ZNF487: variants seen among roughly 807,000 people sequenced by gnomAD.
The protein encoded by ZNF487 is KRAB domain only 1.
A neutral mutation model predicts 3.0 loss-of-function variants in ZNF487; 4 were observed. That is an observed-to-expected ratio of 1.35 (90% CI 0.66 to 3.08). The LOEUF (loss-of-function observed/expected upper bound fraction) is 3.08, where lower values mean the gene tolerates loss of function less well. Among genes scored for constraint, ZNF487 ranks in the 30% most tolerant of loss-of-function variants. The probability of loss-of-function intolerance (pLI) is 0.01; values close to 1 mark genes in which losing one functional copy is unlikely to be tolerated. For synonymous variants in ZNF487, 55 were observed against 34.6 expected, an observed-to-expected ratio of 1.59 and a Z score of -2.06; for missense variants, 146 against 98.7, an observed-to-expected ratio of 1.48 and a Z score of -2.03.
the ZNF487 span, chr10:43,496,173 GCATT>G: frequency 2.1e-6 from 1 of 474,396 alleles, no homozygotes; most frequent in South Asian, 1.5e-5. Context: ...ACTTCAAATA[GCATT>G]CATTTCTTTT....
chr10:43,440,586 A>G (rs1385791828), intron 1 of ZNF487, among the ~76,000 whole-genome samples: 1 of 151,590 alleles, frequency 6.6e-6, no homozygotes, highest in East Asian at 2.0e-4. Context: ...TGAATCTGGG[A>G]GGCAGAGGCA....
chr10:43,516,936 T>C, the ZNF487 span, among the ~76,000 whole-genome samples: 1 of 152,192 alleles, frequency 6.6e-6, no homozygotes, highest in Non-Finnish European at 1.5e-5. Flanking sequence ...GTAGTTTTCC[T>C]TCATCTCTAA....
chr10:43,475,487 C>G (rs1441530793), intron 1 of ZNF487, among the ~76,000 whole-genome samples: 6 of 151,576 alleles, frequency 4.0e-5, no homozygotes, highest in Admixed American at 4.0e-4. Flanking sequence ...AGCACTCTAG[C>G]CTGAGTGATA....
At chr10:43,459,768 TTTA>T (rs71016770) in intron 1 of ZNF487, among the ~76,000 whole-genome samples, 5,522 of 138,234 alleles carry the variant, frequency 0.04, 132 homozygotes, top group East Asian at 0.076. Flanking sequence ...AGGCTGTGAG[TTTA>T]TTATTATTAT....
At chr10:43,455,713 C>T (rs891986244) in intron 1 of ZNF487, among the ~76,000 whole-genome samples, 1 of 152,222 alleles carries the variant, frequency 6.6e-6, no homozygotes, top group African/African-American at 2.4e-5. Flanking sequence ...GGTGGGGTCG[C>T]CTCTGGGGTC....
intron 1 of ZNF487, among the ~76,000 whole-genome samples, chr10:43,457,434 A>C (rs1469953651): frequency 7.0e-6 from 1 of 142,564 alleles, no homozygotes; most frequent in East Asian, 2.2e-4. Context: ...GCATGCCTGT[A>C]ATCCCAGCTA....
At chr10:43,477,937 C>T (rs1043324607) in intron 3 of ZNF487, among the ~76,000 whole-genome samples, 6 of 144,948 alleles carry the variant, frequency 4.1e-5, no homozygotes, top group African/African-American at 1.3e-4. Context: ...GTGACAAGAG[C>T]GAGACTCCAT....
intron 1 of ZNF487, among the ~76,000 whole-genome samples, chr10:43,442,264 ACAAC>A (rs1839639379): frequency 6.7e-6 from 1 of 149,300 alleles, no homozygotes; most frequent in African/African-American, 2.5e-5. Context: ...AACAACAACA[ACAAC>A]AAAAAAAAAA....
chr10:43,469,856 A>G (rs930820503), intron 1 of ZNF487, among the ~76,000 whole-genome samples: 44 of 152,082 alleles, frequency 2.9e-4, no homozygotes, highest in African/African-American at 9.6e-4. Context: ...AGACTGAGGC[A>G]TGAGAATTTC....
chr10:43,444,422 T>G (rs1325465280), intron 1 of ZNF487, among the ~76,000 whole-genome samples: 1 of 152,154 alleles, frequency 6.6e-6, no homozygotes, highest in Non-Finnish European at 1.5e-5. Flanking sequence ...GTATTGAGCT[T>G]TACTTAATGG....
At chr10:43,463,716 T>C (rs72787455) in intron 1 of ZNF487, among the ~76,000 whole-genome samples, 6 of 10,946 alleles carry the variant, frequency 5.5e-4, no homozygotes, top group African/African-American at 9.9e-4. Flanking sequence ...TTCTTTCTTT[T>C]TTTTTTTTTT....
At chr10:43,439,241 C>CA (rs912983633) in intron 1 of ZNF487, among the ~76,000 whole-genome samples, 13 of 150,342 alleles carry the variant, frequency 8.6e-5, no homozygotes, top group South Asian at 2.1e-4. Context: ...GATTCCGTCT[C>CA]AAAAAAAAAT....
intron 1 of ZNF487, among the ~76,000 whole-genome samples, chr10:43,447,143 A>G (rs1253804415): frequency 1.3e-5 from 2 of 152,124 alleles, no homozygotes; most frequent in Admixed American, 6.6e-5. Flanking sequence ...GAGGCAGTAC[A>G]GTCCAGCAGA....
the ZNF487 span, among the ~76,000 whole-genome samples, chr10:43,493,313 T>C: frequency 6.6e-6 from 1 of 152,188 alleles, no homozygotes; most frequent in Admixed American, 6.6e-5. Flanking sequence ...TCCTTTGACC[T>C]ACATTTCCGC....
downstream of ZNF487, among the ~76,000 whole-genome samples, chr10:43,484,318 G>T (rs1841451235): frequency 6.6e-6 from 1 of 151,956 alleles, no homozygotes; most frequent in African/African-American, 2.4e-5. Context: ...ATCAAGATAA[G>T]AATTTGGTCC....
chr10:43,481,028 T>G (rs564913808), intron 3 of ZNF487, among the ~76,000 whole-genome samples: 11 of 151,932 alleles, frequency 7.2e-5, no homozygotes, highest in Non-Finnish European at 1.5e-4. Context: ...TCTCAGCACT[T>G]TGGGAGCCGA....
intron 1 of ZNF487, among the ~76,000 whole-genome samples, chr10:43,448,196 G>C (rs1340995898): frequency 6.6e-6 from 1 of 151,492 alleles, no homozygotes; most frequent in Non-Finnish European, 1.5e-5. Context: ...TCACCGTGTT[G>C]GCCAGGATGG....
At chr10:43,521,205 C>T in the ZNF487 span, among the ~76,000 whole-genome samples, 2 of 152,100 alleles carry the variant, frequency 1.3e-5, no homozygotes, top group South Asian at 2.1e-4. Flanking sequence ...CCAGCCTCTG[C>T]CCACATTTTT....
At position 43,482,166 on chromosome 10, in the gene ZNF487, G is replaced by A; in HGVS notation, c.*244G>A. On this transcript the variant is annotated 3_prime_UTR_variant, in exon 4 of 4. Coordinates refer to ENST00000437590, the MANE Select transcript of ZNF487 (RefSeq NM_001355444.3). ...GTTACAGAGGAGAGAAAACTTGACTGTAGTAGACATTTGGAAGTATTCTGC... is the reference window on the plus strand; with the variant it reads ...GTTACAGAGGAGAGAAAACTTGACTATAGTAGACATTTGGAAGTATTCTGC... The A allele has an allele frequency of 1.8e-6, 1 of 546,454 alleles. No individual in the cohort carries two copies. Among genetic ancestry groups the A allele is most frequent in the Non-Finnish European group, 3.3e-6 (1 of 306,612 alleles). The allele number at this position is 546,454 out of a possible 1,614,324, so 33.9% of individuals were successfully genotyped here.
Sources: allele counts gnomAD v4.1 joint callset (sites outside exome capture counted in the v4.1 genomes callset), GRCh38; gene constraint gnomAD v4.1.1; transcripts MANE v1.5; gene names NCBI Gene and HGNC (gene_info 2026-07-23, HGNC 2026-07-21).